TAFA2: variants seen among roughly 807,000 people sequenced by gnomAD.
TAFA2 encodes TAFA chemokine like family member 2.
In TAFA2, 7 loss-of-function variants were observed where a neutral mutation model predicts 18.8. That is an observed-to-expected ratio of 0.37 (90% CI 0.21 to 0.70). The LOEUF is 0.70. TAFA2 is among the 30% of genes least tolerant of loss of function. The probability of loss-of-function intolerance (pLI) is 0.53; values close to 1 mark genes in which losing one functional copy is unlikely to be tolerated. For missense variants in TAFA2, 122 were observed against 158.1 expected (o/e 0.77, Z 1.23); for synonymous variants, 60 against 54.2 (o/e 1.11, Z -0.47).
intron 1 of TAFA2, among the ~76,000 whole-genome samples, chr12:61,876,409 T>A (rs1177153212): frequency 6.6e-6 from 1 of 152,160 alleles, no homozygotes; most frequent in African/African-American, 2.4e-5. Context: ...CTCACCATAG[T>A]AACACCTACA....
chr12:61,754,704 A>C (rs959732071), intron 3 of TAFA2, among the ~76,000 whole-genome samples, 168 bp downstream of exon 3: 3 of 152,022 alleles, frequency 2.0e-5, no homozygotes, highest in African/African-American at 7.2e-5. Context: ...CTCTTTCCAG[A>C]GGATTTTAGA....
intron 2 of TAFA2, among the ~76,000 whole-genome samples, chr12:61,816,530 A>G (rs1872093541): frequency 6.6e-6 from 1 of 151,318 alleles, no homozygotes; most frequent in Non-Finnish European, 1.5e-5. Flanking sequence ...TCCCCTGAGT[A>G]TATACCCAGT....
chr12:61,827,703 T>C (rs924943530), intron 2 of TAFA2, among the ~76,000 whole-genome samples: 1 of 151,978 alleles, frequency 6.6e-6, no homozygotes, highest in African/African-American at 2.4e-5. Context: ...CATATAAATA[T>C]ATGAATAGTC....
chr12:61,738,885 G>A (rs1238509459), intron 4 of TAFA2, among the ~76,000 whole-genome samples: 2 of 152,026 alleles, frequency 1.3e-5, no homozygotes, highest in African/African-American at 4.8e-5. Context: ...TTCCACATTA[G>A]TATTTCTTTA....
chr12:61,872,745 C>T (rs1295423349), intron 1 of TAFA2, among the ~76,000 whole-genome samples: 1 of 152,112 alleles, frequency 6.6e-6, no homozygotes, highest in Non-Finnish European at 1.5e-5. Flanking sequence ...AACGTTAATT[C>T]TGCCATGAAG....
chr12:61,996,523 G>T (rs1450847328), intron 1 of TAFA2, among the ~76,000 whole-genome samples: 1 of 152,132 alleles, frequency 6.6e-6, no homozygotes, highest in East Asian at 1.9e-4. Flanking sequence ...TTGCCTACAT[G>T]GGAGCTGATG....
At chr12:61,959,202 TA>T (rs1407703512) in intron 1 of TAFA2, among the ~76,000 whole-genome samples, 1 of 152,022 alleles carries the variant, frequency 6.6e-6, no homozygotes, top group Non-Finnish European at 1.5e-5. Context: ...TTCACCCAAT[TA>T]AAAAATTTGT....
At chr12:61,961,315 G>A (rs1045397627) in intron 1 of TAFA2, among the ~76,000 whole-genome samples, 1 of 151,874 alleles carries the variant, frequency 6.6e-6, no homozygotes, top group African/African-American at 2.4e-5. Flanking sequence ...TTTGGGAAGG[G>A]ACACAAACCC....
rs11174321 is a variant in TAFA2, at chr12:62,104,514, G to A, written c.-2+86745C>T. On this transcript the variant is annotated intron_variant, in intron 1 of 4. Coordinates refer to ENST00000416284, the MANE Select transcript of TAFA2 (RefSeq NM_178539.5). ...CAACCCAGAAATCTTATCCATAAAA[G>A]TAGCAAGAAAGAAAACATTTTTACC... is the stretch of plus-strand genomic sequence containing the variant. 6.6e-3 allele frequency among the ~76,000 whole-genome samples: 1,003 copies of A among 152,242 alleles called. 7 individuals carry two copies. The highest frequency in any genetic ancestry group is 0.011 in the Non-Finnish European group (726 of 68,008).
Position 62,126,699 on chromosome 12 carries a change from T to C in TAFA2, c.-2+64560A>G, listed in dbSNP as rs59528761. Among the ~76,000 whole-genome samples the C allele has an allele frequency of 7.2e-3, 1,095 of 152,094 alleles. 19 individuals are homozygous for C. The highest frequency in any genetic ancestry group is 0.026 in the African/African-American group (1,063 of 41,512). ...TGCATAAGTATAAACGATGCAGTAA[T>C]GCTGACAAATTAGAGATGAGATGAG... On this transcript the variant is annotated intron_variant, in intron 1 of 4. Coordinates refer to ENST00000416284, the MANE Select transcript of TAFA2 (RefSeq NM_178539.5).
intron 1 of TAFA2, among the ~76,000 whole-genome samples, chr12:62,122,927 A>G (rs1231172400): frequency 3.9e-5 from 6 of 152,088 alleles, no homozygotes; most frequent in Non-Finnish European, 5.9e-5. Context: ...CTTTTCTACC[A>G]TGGAGAACCC....
intron 1 of TAFA2, among the ~76,000 whole-genome samples, chr12:61,898,571 AG>A (rs1356749062): frequency 1.3e-5 from 2 of 152,234 alleles, no homozygotes; most frequent in East Asian, 3.9e-4. Flanking sequence ...CACCCCATGA[AG>A]CAACACTCCA....
At chr12:61,808,541 A>G (rs548882484) in intron 2 of TAFA2, among the ~76,000 whole-genome samples, 1 of 151,460 alleles carries the variant, frequency 6.6e-6, no homozygotes, top group Non-Finnish European at 1.5e-5. Context: ...ATTAGGATTT[A>G]GATAAGCTGA....
intron 1 of TAFA2, among the ~76,000 whole-genome samples, chr12:62,165,379 A>G (rs1215488135): frequency 6.6e-6 from 1 of 152,042 alleles, no homozygotes; most frequent in Non-Finnish European, 1.5e-5. Flanking sequence ...CCACTCTTGA[A>G]TCTCTACACT....
Position 62,144,047 on chromosome 12 carries a change from T to TA in TAFA2, c.-2+47211dup, listed in dbSNP as rs34514238. On this transcript the variant is annotated intron_variant, in intron 1 of 4. Transcript: ENST00000416284. ...TGGGTGACAGAGTGAGACCCTATCT[T>TA]AAAAAAAAAAAAAAAAAAAAAAAAG... 4.9e-3 allele frequency among the ~76,000 whole-genome samples: 387 copies of TA among 79,140 alleles called. 3 individuals carry two copies. Among genetic ancestry groups the TA allele is most frequent in the African/African-American group, 0.016 (322 of 20,566 alleles). The allele number at this position is 79,140 out of a possible 152,430, so 51.9% of individuals were successfully genotyped here. A position where few individuals can be genotyped will look rare whatever the true frequency, so the allele number is the denominator to read the frequency against.
At chr12:61,729,630 A>G (rs191437493) in intron 4 of TAFA2, among the ~76,000 whole-genome samples, 12 of 151,788 alleles carry the variant, frequency 7.9e-5, no homozygotes, top group African/African-American at 2.9e-4. Context: ...CATATTCTGT[A>G]TTATTTTTTA....
upstream of TAFA2, among the ~76,000 whole-genome samples, chr12:62,193,754 T>C (rs1373334612): frequency 6.6e-6 from 1 of 152,214 alleles, no homozygotes; most frequent in Non-Finnish European, 1.5e-5. Context: ...GGGGGTTTGC[T>C]TTCAAAATGT....
At chr12:62,050,308 C>T (rs760457963) in intron 1 of TAFA2, among the ~76,000 whole-genome samples, 9 of 152,056 alleles carry the variant, frequency 5.9e-5, no homozygotes, top group South Asian at 4.2e-4. Flanking sequence ...CGGTGGCTCA[C>T]GCCTGTAATC....
At chr12:62,184,492 A>G (rs984986164) in intron 1 of TAFA2, among the ~76,000 whole-genome samples, 1 of 45,706 alleles carries the variant, frequency 2.2e-5, no homozygotes, top group Non-Finnish European at 4.6e-5. Flanking sequence ...CACACGGGAA[A>G]AAAAAAATTC....
Sources: allele counts gnomAD v4.1 joint callset (sites outside exome capture counted in the v4.1 genomes callset), GRCh38; gene constraint gnomAD v4.1.1; transcripts MANE v1.5; gene names NCBI Gene and HGNC (gene_info 2026-07-23, HGNC 2026-07-21).